Variants in GRIA4 observed in about 807,000 individuals in gnomAD.
GRIA4 encodes glutamate ionotropic receptor AMPA type subunit 4.
In GRIA4, 34 loss-of-function variants were observed where a neutral mutation model predicts 104.0. That is an observed-to-expected ratio of 0.33 (90% CI 0.25 to 0.44). The LOEUF (loss-of-function observed/expected upper bound fraction) is 0.44. Ranked by LOEUF, GRIA4 falls within the 20% of genes least tolerant of loss-of-function variation. The pLI is 1.00. For missense variants in GRIA4, 750 were observed against 1,096.5 expected (o/e 0.68, Z 4.46); for synonymous variants, 386 against 381.9 (o/e 1.01, Z -0.13).
At chr11:105,689,208 T>A (rs1311126000) in intron 3 of GRIA4, among the ~76,000 whole-genome samples, 1 of 152,124 alleles carries the variant, frequency 6.6e-6, no homozygotes, top group Non-Finnish European at 1.5e-5. Flanking sequence ...AGAGATGGAA[T>A]TTGGTGAAAT....
chr11:105,640,751 G>C (rs1489909506), intron 3 of GRIA4, among the ~76,000 whole-genome samples: 1 of 151,882 alleles, frequency 6.6e-6, no homozygotes, highest in Non-Finnish European at 1.5e-5. Flanking sequence ...TGTGTCCACA[G>C]GCAGTGTATG....
intron 3 of GRIA4, among the ~76,000 whole-genome samples, chr11:105,690,060 A>G (rs867627713): frequency 6.6e-6 from 1 of 152,220 alleles, no homozygotes; most frequent in Non-Finnish European, 1.5e-5. Flanking sequence ...GGCAGGATCC[A>G]AGAATCATTT....
At chr11:105,782,336 T>C (rs1413912776) in intron 4 of GRIA4, among the ~76,000 whole-genome samples, 1 of 152,236 alleles carries the variant, frequency 6.6e-6, no homozygotes, top group African/African-American at 2.4e-5. Flanking sequence ...AAATTCAATT[T>C]TCAAAAGTTT....
At chr11:105,879,916 G>T (rs1412994106) in intron 5 of GRIA4, among the ~76,000 whole-genome samples, 1 of 152,156 alleles carries the variant, frequency 6.6e-6, no homozygotes, top group Admixed American at 6.5e-5. Flanking sequence ...GGAACAGGGT[G>T]TAGTGAAAAC....
chr11:105,845,058 C>T (rs1159809539), intron 4 of GRIA4, among the ~76,000 whole-genome samples: 1 of 152,188 alleles, frequency 6.6e-6, no homozygotes, highest in Non-Finnish European at 1.5e-5. Context: ...TAAACAACGA[C>T]CATCATTTTA....
chr11:105,669,938 C>A lies in GRIA4; in HGVS notation c.247+57504C>A, dbSNP rs376632787. Among the ~76,000 whole-genome samples, 19 of 152,156 alleles carry A rather than the reference C, an allele frequency of 1.2e-4. No homozygotes were observed. In the East Asian group the frequency reaches 3.1e-3, roughly 25 times the overall value. ...ACATATTTTAAAACAGACATCTAGG[C>A]TTCTATACCCAGTGAGAAAATTATA... On this transcript the variant is annotated intron_variant, in intron 3 of 16. Transcript: ENST00000282499.
intron 3 of GRIA4, among the ~76,000 whole-genome samples, chr11:105,687,972 A>C (rs910891342): frequency 6.6e-6 from 1 of 152,184 alleles, no homozygotes; most frequent in African/African-American, 2.4e-5. Context: ...AAAGAAATGA[A>C]ATTTTTAATC....
chr11:105,767,878 C>A (rs1385691389), intron 4 of GRIA4, among the ~76,000 whole-genome samples: 1 of 152,082 alleles, frequency 6.6e-6, no homozygotes, highest in Non-Finnish European at 1.5e-5. Flanking sequence ...AATCTGTGCC[C>A]TTAACCACAA....
intron 4 of GRIA4, among the ~76,000 whole-genome samples, chr11:105,811,665 A>T (rs1943178011): frequency 6.6e-6 from 1 of 152,172 alleles, no homozygotes; most frequent in South Asian, 2.1e-4. Context: ...AATGCAGCAA[A>T]TTTTTTGGAA....
intron 3 of GRIA4, among the ~76,000 whole-genome samples, chr11:105,645,388 C>CTGA (rs1951497413): frequency 7.2e-5 from 11 of 152,150 alleles, no homozygotes; most frequent in Admixed American, 6.5e-4. Context: ...TCTCTTGCCT[C>CTGA]AGGGCCTGCT....
rs184692069 is a variant in GRIA4 at position 105,738,004 on chromosome 11, T to A, written c.248-14977T>A. ...TCACACACCATGGGTATATAATAAG[T>A]TCCCCCTCCCACCCCCCTGCCCTGT... On this transcript the variant is annotated intron_variant, in intron 3 of 16. Transcript: ENST00000282499. Among the ~76,000 whole-genome samples, 473 of 151,950 alleles carry A rather than the reference T, an allele frequency of 3.1e-3. 4 individuals carry two copies. Among genetic ancestry groups the A allele is most frequent in the African/African-American group, 0.011 (450 of 41,462 alleles).
chr11:105,689,204 G>A (rs576581645), intron 3 of GRIA4, among the ~76,000 whole-genome samples: 22 of 152,226 alleles, frequency 1.4e-4, no homozygotes, highest in African/African-American at 3.4e-4. Flanking sequence ...AAGAAGAGAT[G>A]GAATTTGGTG....
Position 105,753,039 on chromosome 11 carries a change from G to C in GRIA4, c.306G>C (p.Ser102=). Residue 102 remains serine, a synonymous_variant, in exon 4 of 17, where the codon TCG becomes TCC. Coordinates refer to ENST00000282499, the MANE Select transcript of GRIA4 (RefSeq NM_000829.4). ...TTTTTGGACTCTATGATAAGAGGTC[G>C]GTACATACCTTGACCTCATTCTGCA... ...FAIFGLYDKR[S]VHTLTSFCSA... 1 of 1,611,748 alleles carries C rather than the reference G, an allele frequency of 6.2e-7. No homozygotes were observed. Among genetic ancestry groups the C allele is most frequent in the Non-Finnish European group, 8.5e-7 (1 of 1,178,048 alleles).
chr11:105,701,443 C>G (rs570692702), intron 3 of GRIA4, among the ~76,000 whole-genome samples: 1 of 152,264 alleles, frequency 6.6e-6, no homozygotes, highest in East Asian at 1.9e-4. Context: ...TCAAGACAAT[C>G]AAGGAGCTTT....
intron 3 of GRIA4, among the ~76,000 whole-genome samples, chr11:105,642,200 G>T (rs2135351793): frequency 6.6e-6 from 1 of 152,192 alleles, no homozygotes; most frequent in South Asian, 2.1e-4. Context: ...AGAAGCTTTA[G>T]AGGCACACAA....
At chr11:105,948,393 TA>T (rs1369597863) in intron 14 of GRIA4, among the ~76,000 whole-genome samples, 1 of 152,096 alleles carries the variant, frequency 6.6e-6, no homozygotes, top group Non-Finnish European at 1.5e-5. Flanking sequence ...ATGTGAAGTT[TA>T]AATAGATACA....
intron 3 of GRIA4, among the ~76,000 whole-genome samples, chr11:105,740,857 G>C (rs1416563634): frequency 6.6e-6 from 1 of 152,180 alleles, no homozygotes; most frequent in African/African-American, 2.4e-5. Context: ...AAGCGGTGCA[G>C]TGTTAGGTGA....
intron 14 of GRIA4, among the ~76,000 whole-genome samples, chr11:105,949,969 T>A (rs1948420053): frequency 6.6e-6 from 1 of 152,216 alleles, no homozygotes; most frequent in Non-Finnish European, 1.5e-5. Context: ...AAAATGGAGA[T>A]GTAATTCTAC....
Position 105,717,568 on chromosome 11 carries a change from G to A in GRIA4, c.248-35413G>A, listed in dbSNP as rs371461879. Among the ~76,000 whole-genome samples, 10 of 152,038 alleles carry A rather than the reference G, an allele frequency of 6.6e-5. 1 individual carries two copies. In the South Asian group the frequency reaches 2.1e-3, roughly 32 times the overall value. On this transcript the variant is annotated intron_variant, in intron 3 of 16. Coordinates refer to ENST00000282499, the MANE Select transcript of GRIA4 (RefSeq NM_000829.4). Reference sequence around the variant, plus strand: ...TTGGAAGGGAGGAATAGTCATTCCAGGGGAGAGAAGTACAAATTCCAATGG... The same window carrying A: ...TTGGAAGGGAGGAATAGTCATTCCAAGGGAGAGAAGTACAAATTCCAATGG...
Sources: allele counts gnomAD v4.1 joint callset (sites outside exome capture counted in the v4.1 genomes callset), GRCh38; gene constraint gnomAD v4.1.1; transcripts MANE v1.5; gene names NCBI Gene and HGNC (gene_info 2026-07-23, HGNC 2026-07-21).